HSP90AA1: variants seen among roughly 807,000 people sequenced by gnomAD.
The protein encoded by HSP90AA1 is heat shock protein 90 alpha family class A member 1.
HSP90AA1 carries 18 observed loss-of-function variants against 73.3 expected under a neutral mutation model. The ratio of observed to expected loss-of-function variants is 0.25; its 90% CI spans 0.17 to 0.36. The LOEUF (loss-of-function observed/expected upper bound fraction) is 0.36. Among genes scored for constraint, HSP90AA1 ranks in the 10% least tolerant of loss-of-function variants. The probability of loss-of-function intolerance (pLI) is 1.00; values close to 1 mark genes in which losing one functional copy is unlikely to be tolerated. For missense variants in HSP90AA1, 704 were observed against 874.2 expected, an observed-to-expected ratio of 0.81 and a Z score of 2.45; for synonymous variants, 477 against 296.9, an observed-to-expected ratio of 1.61 and a Z score of -6.24.
rs534040096 is a variant in HSP90AA1, at chr14:102,098,787, C to T, written c.366+3088G>A. ...CTTGGCTCACTGTAACCTCCGCCTC[C>T]GGGGTTCAAGTGATACAGTCCTTGA... On this transcript the variant is annotated intron_variant, in intron 2 of 11. Transcript: ENST00000334701. 5.3e-5 allele frequency among the ~76,000 whole-genome samples: 8 copies of T among 152,024 alleles called. No individual in the cohort carries two copies. The South Asian group carries it at 1.0e-3, about 20-fold the overall frequency.
intron 1 of HSP90AA1, among the ~76,000 whole-genome samples, chr14:102,118,007 C>A (rs1024744934): frequency 6.6e-6 from 1 of 152,202 alleles, no homozygotes; most frequent in Non-Finnish European, 1.5e-5. Context: ...GCACCTGGAG[C>A]TGCCTGCTCC....
chr14:102,083,965 A>C lies in HSP90AA1; in HGVS notation c.1166T>G (p.Val389Gly). ...GTTTAGAGGGAGATCCTCCGAGTCT[A>C]CCACCCCTCTAATGAAGTCTGAAAA... is the stretch of plus-strand genomic sequence containing the variant. ...PEYLNFIRGV[V>G]DSEDLPLNIS... The change falls in exon 7 of 11, where the codon GTA (valine) becomes GGA (glycine). Residue 389 changes from valine to glycine, a missense_variant. Coordinates refer to ENST00000216281, the MANE Select transcript of HSP90AA1 (RefSeq NM_005348.4). 1.2e-6 allele frequency: 2 copies of C among 1,613,772 alleles called. No homozygotes were observed. Among genetic ancestry groups the C allele is most frequent in the Non-Finnish European group, 1.7e-6 (2 of 1,179,670 alleles).
chr14:102,084,817 T>C lies in HSP90AA1; in HGVS notation c.845A>G (p.Glu282Gly), dbSNP rs1566719959. ...GDKKKKKKIK[E>G]KYIDQEELNK... The stretch of plus-strand genomic sequence containing the variant: ...GAGCTCTTCTTGATCGATGTACTTT[T>C]CCTTAATCTTCTTCTTCTTCTTCTT... The change falls in exon 5 of 11, where the codon GAA becomes GGA. Residue 282 changes from glutamate to glycine, a missense_variant. By Grantham distance (98) the Glu-to-Gly change is moderately conservative. Coordinates refer to ENST00000216281, the MANE Select transcript of HSP90AA1 (RefSeq NM_005348.4). 2 of 1,611,740 alleles carry C rather than the reference T, an allele frequency of 1.2e-6. No homozygotes were observed. Among genetic ancestry groups the C allele is most frequent in the Middle Eastern group, 1.6e-4 (1 of 6,082 alleles).
At chr14:102,122,452 G>A (rs1276168290) in intron 1 of HSP90AA1, among the ~76,000 whole-genome samples, 1 of 150,200 alleles carries the variant, frequency 6.7e-6, no homozygotes, top group Non-Finnish European at 1.5e-5. Context: ...GGCTAATTTT[G>A]TTGTGTTTTT....
At chr14:102,097,609 T>G (rs115472565) in intron 2 of HSP90AA1, among the ~76,000 whole-genome samples, 1 of 152,216 alleles carries the variant, frequency 6.6e-6, no homozygotes, top group Non-Finnish European at 1.5e-5. Context: ...GTCCGTCCAG[T>G]GCCCAGAGGG....
upstream of HSP90AA1, among the ~76,000 whole-genome samples, chr14:102,087,670 G>C (rs916264249): frequency 6.6e-6 from 1 of 152,140 alleles, no homozygotes; most frequent in Non-Finnish European, 1.5e-5. Flanking sequence ...TGCGCACTGG[G>C]GAGGCTGTCC....
upstream of HSP90AA1, chr14:102,087,193 C>A (rs914818788): frequency 1.0e-6 from 1 of 982,120 alleles, no homozygotes; most frequent in Non-Finnish European, 1.2e-6. Flanking sequence ...CCGCGGCACC[C>A]CGCCCCCGCG....
chr14:102,084,353 A>C, intron 6 of HSP90AA1, 46 bp downstream of exon 6: 1 of 1,566,156 alleles, frequency 6.4e-7, no homozygotes. Flanking sequence ...CCCAGAAAGT[A>C]CTTCTTTAAT....
Position 102,096,175 on chromosome 14 carries a change from G to C in HSP90AA1, c.366+5700C>G, listed in dbSNP as rs191102271. Among the ~76,000 whole-genome samples, 336 of 152,328 alleles carry C rather than the reference G, an allele frequency of 2.2e-3. 2 individuals are homozygous for C. The highest frequency in any genetic ancestry group is 7.6e-3 in the African/African-American group (318 of 41,580). ...GCACCATGGTCAGACCTGACCAGGG[G>C]ACCTGGTAATTTAAGAACATGGCAG... is the stretch of plus-strand genomic sequence containing the variant. On this transcript the variant is annotated intron_variant, in intron 2 of 11. Coordinates refer to the HSP90AA1 transcript ENST00000334701.
rs376059774 is a variant in HSP90AA1, at chr14:102,085,672, A to G, written c.529+86T>C. ...TCGTTGGGCAAACACAAATTCTGTA[A>G]GCTTCACCGCATCCCCAGGGGTCCA... On this transcript the variant is annotated intron_variant, in intron 3 of 10. Transcript: ENST00000216281. 3 of 1,585,048 alleles carry G rather than the reference A, an allele frequency of 1.9e-6. No homozygotes were observed. In the Admixed American group the frequency reaches 5.0e-5, roughly 26 times the overall value.
At chr14:102,097,355 T>G (rs1264282012) in intron 2 of HSP90AA1, among the ~76,000 whole-genome samples, 2 of 148,844 alleles carry the variant, frequency 1.3e-5, no homozygotes, top group Non-Finnish European at 3.0e-5. Context: ...TGAAGCAAGC[T>G]GAGTCTTAAG....
rs370998676 is a variant in HSP90AA1, at chr14:102,082,289, G to A, written c.1911C>T (p.Asn637=). 6.8e-6 allele frequency: 11 copies of A among 1,613,764 alleles called. No individual in the cohort carries two copies. The African/African-American group carries it at 1.3e-4, about 20-fold the overall frequency. ...YMAAKKHLEI[N]PDHSIIETLR... is the part of the protein sequence containing the mutation. ...AGGTCTCAATAATGGAATGGTCAGG[G>A]TTTATCTCCAGGTGTTTCTTTGCTG... The change falls in exon 10 of 11, where the codon AAC becomes AAT. Residue 637 remains asparagine, a synonymous_variant. Coordinates refer to ENST00000216281, the MANE Select transcript of HSP90AA1 (RefSeq NM_005348.4).
At position 102,104,563 on chromosome 14, in the gene HSP90AA1, G is replaced by A. The variant is rs188204204; in HGVS notation, c.156-2478C>T. ...TGTAATGTGCAATGACCAAATCAGG[G>A]TAATTGGGATATCCATCTCCTTATT... On this transcript the variant is annotated intron_variant, in intron 1 of 11. Transcript: ENST00000334701. Among the ~76,000 whole-genome samples the A allele has an allele frequency of 2.8e-4, 43 of 152,208 alleles. 1 individual carries two copies. Among genetic ancestry groups the A allele is most frequent in the Admixed American group, 2.5e-3 (38 of 15,282 alleles).
At chr14:102,137,953 T>C (rs1163476234) in intron 1 of HSP90AA1, among the ~76,000 whole-genome samples, 1 of 151,466 alleles carries the variant, frequency 6.6e-6, no homozygotes, top group South Asian at 2.1e-4. Flanking sequence ...AGGCAGAGGT[T>C]GCAGTGAGCC....
intron 1 of HSP90AA1, among the ~76,000 whole-genome samples, chr14:102,113,567 G>C (rs1310513866): frequency 6.6e-6 from 1 of 151,416 alleles, no homozygotes; most frequent in Non-Finnish European, 1.5e-5. Context: ...TGTATTTTTA[G>C]TGGAGACGGG....
chr14:102,093,849 C>T (rs1001037080), intron 2 of HSP90AA1, among the ~76,000 whole-genome samples: 3 of 152,150 alleles, frequency 2.0e-5, no homozygotes, highest in African/African-American at 7.2e-5. Flanking sequence ...TGGCATGCAC[C>T]TGTAATCCCA....
chr14:102,105,038 A>G (rs2049546072), intron 1 of HSP90AA1, among the ~76,000 whole-genome samples: 1 of 149,584 alleles, frequency 6.7e-6, no homozygotes, highest in South Asian at 2.1e-4. Context: ...CTCTACTAAA[A>G]AAAAAAAAAA....
At chr14:102,081,997 T>TC in intron 10 of HSP90AA1, 114 bp downstream of exon 10, 2 of 831,418 alleles carry the variant, frequency 2.4e-6, no homozygotes, top group African/African-American at 1.7e-5. Context: ...CTTTAATACC[T>TC]CCAAGCAGCA....
chr14:102,089,603 G>T (rs539360738), upstream of HSP90AA1, among the ~76,000 whole-genome samples: 2 of 152,196 alleles, frequency 1.3e-5, no homozygotes, highest in East Asian at 3.9e-4. Context: ...ATCTTGTCCA[G>T]CACTCTCACT....
Sources: allele counts gnomAD v4.1 joint callset (sites outside exome capture counted in the v4.1 genomes callset), GRCh38; gene constraint gnomAD v4.1.1; transcripts MANE v1.5; gene names NCBI Gene and HGNC (gene_info 2026-07-23, HGNC 2026-07-21).